ARMH3: variants seen among roughly 807,000 people sequenced by gnomAD.
The protein encoded by ARMH3 is armadillo like helical domain containing 3, also known as armadillo-like helical domain-containing protein 3.
Under a neutral mutation model 99.1 loss-of-function variants are expected in ARMH3, and 60 were observed. The ratio of observed to expected loss-of-function variants is 0.61; its 90% CI spans 0.49 to 0.75. The LOEUF is 0.75. Among genes scored for constraint, ARMH3 ranks in the 30% least tolerant of loss-of-function variants. The pLI, the probability that ARMH3 is intolerant of heterozygous loss-of-function variation, is 0.00. For missense variants in ARMH3, 679 were observed against 843.1 expected, an observed-to-expected ratio of 0.81 and a Z score of 2.41; for synonymous variants, 285 against 292.8, an observed-to-expected ratio of 0.97 and a Z score of 0.27.
chr10:101,991,588 C>T (rs1273385140), intron 18 of ARMH3, among the ~76,000 whole-genome samples: 2 of 152,128 alleles, frequency 1.3e-5, no homozygotes, highest in Non-Finnish European at 2.9e-5. Context: ...ACCATGTTGG[C>T]CAAGCTGATC....
At chr10:101,879,026 G>A (rs1184542845) in intron 24 of ARMH3, among the ~76,000 whole-genome samples, 4 of 152,108 alleles carry the variant, frequency 2.6e-5, no homozygotes, top group African/African-American at 7.2e-5. Context: ...CAGACGCCTC[G>A]TCAGTGTTTT....
At chr10:102,009,287 CA>C in intron 13 of ARMH3, 86 bp downstream of exon 13, 1 of 1,268,090 alleles carries the variant, frequency 7.9e-7, no homozygotes. Flanking sequence ...AGGGTTTAAA[CA>C]AGTACAGCCA....
chr10:101,932,983 G>A (rs1843785110), intron 23 of ARMH3, among the ~76,000 whole-genome samples: 1 of 152,132 alleles, frequency 6.6e-6, no homozygotes, highest in Middle Eastern at 3.2e-3. Flanking sequence ...TCAGGAGATC[G>A]AGACCATCCT....
intron 25 of ARMH3, 83 bp downstream of exon 25, chr10:101,849,693 G>T: frequency 8.6e-7 from 1 of 1,157,126 alleles, no homozygotes; most frequent in Middle Eastern, 2.0e-4. Flanking sequence ...TGTTTTATCT[G>T]CAGATAAACT....
chr10:102,025,199 CT>C lies in ARMH3; in HGVS notation c.463del (p.Ser155ValfsTer2), dbSNP rs1381481095. 9 of 1,613,858 alleles carry C rather than the reference CT, an allele frequency of 5.6e-6. No homozygotes were observed. The highest frequency in any genetic ancestry group is 7.6e-6 in the Non-Finnish European group (9 of 1,179,994). On this transcript the variant is annotated frameshift_variant, in exon 6 of 26. Transcript: ENST00000370033. LOFTEE classifies it high-confidence loss of function. ...DSLLCAEGSESLKSLCLKLLL... is the reference protein window; with the variant it reads ...DSLLCAEGSEXLKSLCLKLLL... ...AAGTTTCAGACATAAACTCTTCAGA[CT>C]TTCAGAACCTTCTGCACAAAGCAAT...
intron 10 of ARMH3, 96 bp downstream of exon 10, chr10:102,012,737 T>TC (rs1220704009): frequency 1.7e-6 from 2 of 1,173,700 alleles, no homozygotes; most frequent in African/African-American, 3.1e-5. Flanking sequence ...ACTCTTAGAC[T>TC]AGGTAAGGGA....
At chr10:101,916,656 A>G (rs1212894481) in intron 23 of ARMH3, among the ~76,000 whole-genome samples, 1 of 152,200 alleles carries the variant, frequency 6.6e-6, no homozygotes, top group Admixed American at 6.5e-5. Context: ...GACTGGATTA[A>G]GGGATCCCTT....
chr10:102,051,734 T>C (rs757033892), intron 1 of ARMH3, among the ~76,000 whole-genome samples: 14 of 152,164 alleles, frequency 9.2e-5, no homozygotes, highest in Non-Finnish European at 2.1e-4. Context: ...ACCAGGACTA[T>C]TCCCAGGTAT....
intron 20 of ARMH3, among the ~76,000 whole-genome samples, chr10:101,959,495 C>T (rs1845185237): frequency 6.6e-6 from 1 of 152,194 alleles, no homozygotes. Context: ...ATCCCATCAA[C>T]AAGGGCTTTT....
intron 23 of ARMH3, among the ~76,000 whole-genome samples, chr10:101,910,349 T>C (rs1308939478): frequency 6.6e-6 from 1 of 152,038 alleles, no homozygotes; most frequent in Non-Finnish European, 1.5e-5. Context: ...GGAGAATAAA[T>C]ATTAAAGTTA....
At chr10:101,963,057 C>T (rs1312002985) in intron 20 of ARMH3, among the ~76,000 whole-genome samples, 1 of 151,540 alleles carries the variant, frequency 6.6e-6, no homozygotes, top group Non-Finnish European at 1.5e-5. Flanking sequence ...GCAACCTCCA[C>T]CTCCCGGGTT....
intron 8 of ARMH3, among the ~76,000 whole-genome samples, chr10:102,018,810 A>G (rs2066808878): frequency 6.6e-6 from 1 of 152,242 alleles, no homozygotes. Flanking sequence ...CAAAAAAATT[A>G]GCTGGGCATG....
chr10:101,991,598 C>A (rs1439206784), intron 18 of ARMH3, among the ~76,000 whole-genome samples: 4 of 152,190 alleles, frequency 2.6e-5, no homozygotes, highest in Admixed American at 1.3e-4. Flanking sequence ...CCAAGCTGAT[C>A]TCAAACTCCT....
intron 19 of ARMH3, among the ~76,000 whole-genome samples, chr10:101,987,391 C>A (rs1383527689): frequency 6.6e-6 from 1 of 152,206 alleles, no homozygotes; most frequent in East Asian, 1.9e-4. Flanking sequence ...GATATCTTCT[C>A]TAATGCTCCA....
chr10:102,053,479 C>G (rs549011142), intron 1 of ARMH3, among the ~76,000 whole-genome samples: 1 of 152,222 alleles, frequency 6.6e-6, no homozygotes, highest in East Asian at 1.9e-4. Flanking sequence ...AGGCAATCTA[C>G]CTGCCTAGGC....
chr10:101,975,032 C>T lies in ARMH3; in HGVS notation c.1495+180G>A, dbSNP rs562684994. Among the ~76,000 whole-genome samples the T allele has an allele frequency of 7.5e-5, 5 of 66,482 alleles. No homozygotes were observed. In the South Asian group the frequency reaches 2.1e-3, roughly 28 times the overall value. The allele number at this position is 66,482 out of a possible 152,430, so 43.6% of individuals were successfully genotyped here. A position where few individuals can be genotyped will look rare whatever the true frequency, so the allele number is the denominator to read the frequency against. ...CATGTGACACACCCAGGTCTGGATT[C>T]GAAAAAAGCTAAAACGTAAAAAAAA... On this transcript the variant is annotated intron_variant, in intron 20 of 25. Coordinates refer to ENST00000370033, the MANE Select transcript of ARMH3 (RefSeq NM_024541.3).
chr10:101,984,143 G>A (rs929448004), intron 19 of ARMH3, among the ~76,000 whole-genome samples: 4 of 152,224 alleles, frequency 2.6e-5, no homozygotes, highest in Non-Finnish European at 2.9e-5. Context: ...GTTGATTGTC[G>A]TTGTTGAGTG....
At chr10:102,052,264 C>G (rs979957868) in intron 1 of ARMH3, among the ~76,000 whole-genome samples, 3 of 152,124 alleles carry the variant, frequency 2.0e-5, no homozygotes, top group African/African-American at 7.2e-5. Flanking sequence ...CCCTCTGTTG[C>G]CCAAGCTGGA....
At chr10:101,922,233 T>A (rs1843334793) in intron 23 of ARMH3, among the ~76,000 whole-genome samples, 1 of 152,206 alleles carries the variant, frequency 6.6e-6, no homozygotes, top group Non-Finnish European at 1.5e-5. Flanking sequence ...AGTGAGTTGG[T>A]AACATTCTAT....
Sources: allele counts gnomAD v4.1 joint callset (sites outside exome capture counted in the v4.1 genomes callset), GRCh38; gene constraint gnomAD v4.1.1; transcripts MANE v1.5; gene names NCBI Gene and HGNC (gene_info 2026-07-23, HGNC 2026-07-21).